The following ITGBL1 variants were observed in gnomAD, a reference collection of about 807,000 sequenced individuals.
The protein encoded by ITGBL1 is integrin beta-like protein 1.
ITGBL1 carries 51 observed loss-of-function variants against 68.5 expected under a neutral mutation model. The ratio of observed to expected loss-of-function variants is 0.74; its 90% CI spans 0.59 to 0.94. ITGBL1 has a LOEUF of 0.94. Ranked by LOEUF, ITGBL1 falls within the 40% of genes least tolerant of loss-of-function variation. The probability of loss-of-function intolerance (pLI) is 0.00; values close to 1 mark genes in which losing one functional copy is unlikely to be tolerated. For synonymous variants in ITGBL1, 209 were observed against 227.3 expected (o/e 0.92, Z 0.72); for missense variants, 649 against 647.4 (o/e 1.00, Z -0.03).
At chr13:101,530,885 C>A (rs190952417) in intron 2 of ITGBL1, among the ~76,000 whole-genome samples, 1 of 152,252 alleles carries the variant, frequency 6.6e-6, no homozygotes, top group East Asian at 1.9e-4. Context: ...ACTTCAAATT[C>A]TTGAAGGGCA....
At chr13:101,459,221 G>C (rs1352305531) in intron 2 of ITGBL1, among the ~76,000 whole-genome samples, 1 of 152,204 alleles carries the variant, frequency 6.6e-6, no homozygotes, top group Non-Finnish European at 1.5e-5. Flanking sequence ...GTTTGGGGCA[G>C]GATGGGAATC....
At chr13:101,643,115 C>A (rs1193409368) in intron 7 of ITGBL1, among the ~76,000 whole-genome samples, 2 of 151,668 alleles carry the variant, frequency 1.3e-5, no homozygotes, top group African/African-American at 4.9e-5. Flanking sequence ...TCATTGGTAG[C>A]TTGATGGGGA....
chr13:101,582,560 T>A (rs900826433), intron 5 of ITGBL1, among the ~76,000 whole-genome samples: 21 of 152,182 alleles, frequency 1.4e-4, no homozygotes, highest in African/African-American at 5.1e-4. Context: ...CTCAATCTGA[T>A]CTCCAACATT....
intron 7 of ITGBL1, among the ~76,000 whole-genome samples, chr13:101,615,913 C>A (rs961097012): frequency 6.6e-6 from 1 of 152,172 alleles, no homozygotes; most frequent in African/African-American, 2.4e-5. Context: ...AGCAGGCTCT[C>A]GCTAGACACT....
chr13:101,470,282 TGAAA>T (rs757301131), intron 2 of ITGBL1, among the ~76,000 whole-genome samples: 7 of 152,322 alleles, frequency 4.6e-5, no homozygotes, highest in Admixed American at 3.3e-4. Context: ...GTCCAGTGCT[TGAAA>T]GATAGTATAA....
At chr13:101,554,219 T>C (rs1275691513) in intron 2 of ITGBL1, among the ~76,000 whole-genome samples, 1 of 152,192 alleles carries the variant, frequency 6.6e-6, no homozygotes, top group African/African-American at 2.4e-5. Flanking sequence ...AAGTTTTCAA[T>C]ATATGAATTG....
At chr13:101,568,429 C>G (rs1241347031) in intron 3 of ITGBL1, among the ~76,000 whole-genome samples, 1 of 152,080 alleles carries the variant, frequency 6.6e-6, no homozygotes, top group East Asian at 1.9e-4. Context: ...GTTTAGGTTT[C>G]AATGGTATTT....
intron 2 of ITGBL1, among the ~76,000 whole-genome samples, chr13:101,488,550 C>G (rs1342991347): frequency 6.6e-6 from 1 of 152,164 alleles, no homozygotes; most frequent in Non-Finnish European, 1.5e-5. Context: ...CTTGAGAGAG[C>G]TGTTAACCAC....
chr13:101,606,174 T>TTATATATATATATATATATATA (rs4000927), intron 7 of ITGBL1, among the ~76,000 whole-genome samples: 5 of 138,044 alleles, frequency 3.6e-5, no homozygotes, highest in African/African-American at 1.3e-4. Context: ...ATTAGGATTT[T>TTATATATATATATATATATATA]TATATATATA....
In ITGBL1 at chr13:101,591,008, A is replaced by G. The variant is rs149958968; in HGVS notation, c.869-7145A>G. Among the ~76,000 whole-genome samples, 744 of 152,152 alleles carry G rather than the reference A, an allele frequency of 4.9e-3. 4 individuals are homozygous for G. The highest frequency in any genetic ancestry group is 5.8e-3 in the Non-Finnish European group (397 of 67,988). On this transcript the variant is annotated intron_variant, in intron 6 of 10. Transcript: ENST00000376180. The stretch of plus-strand genomic sequence containing the variant: ...AACCTCCGCCTCCTGGGTTCAAGCA[A>G]TTCTCCTGCCTAGCCTCCCAAGTAG...
chr13:101,455,477 G>A (rs987728916), intron 2 of ITGBL1, among the ~76,000 whole-genome samples: 7 of 151,726 alleles, frequency 4.6e-5, no homozygotes, highest in African/African-American at 9.7e-5. Flanking sequence ...GACCAGCCTC[G>A]CCAACTTGCT....
chr13:101,623,854 C>A (rs1371796718), intron 7 of ITGBL1, among the ~76,000 whole-genome samples: 1 of 152,112 alleles, frequency 6.6e-6, no homozygotes, highest in African/African-American at 2.4e-5. Flanking sequence ...TTTGGGTATA[C>A]CTTCTGGCCT....
intron 7 of ITGBL1, among the ~76,000 whole-genome samples, chr13:101,639,656 G>C (rs1566769996): frequency 6.6e-6 from 1 of 152,096 alleles, no homozygotes; most frequent in South Asian, 2.1e-4. Context: ...ATTTTAGCAT[G>C]GCTTTATTAT....
chr13:101,454,631 A>G (rs1282021002), intron 2 of ITGBL1, among the ~76,000 whole-genome samples: 1 of 152,206 alleles, frequency 6.6e-6, no homozygotes, highest in Non-Finnish European at 1.5e-5. Context: ...TAATATTTGT[A>G]GATCTTAGGC....
At chr13:101,632,674 A>G (rs909401007) in intron 7 of ITGBL1, among the ~76,000 whole-genome samples, 1 of 152,236 alleles carries the variant, frequency 6.6e-6, no homozygotes, top group Non-Finnish European at 1.5e-5. Flanking sequence ...TTATTTATAT[A>G]GCTTGTATTT....
chr13:101,452,755 C>A lies in ITGBL1; in HGVS notation c.-79C>A, dbSNP rs1239431880. 2 of 1,144,680 alleles carry A rather than the reference C, an allele frequency of 1.7e-6. No homozygotes were observed. The highest frequency in any genetic ancestry group is 2.6e-6 in the Non-Finnish European group (2 of 756,580). 70.9% of individuals were successfully genotyped at this position (1,144,680 alleles called of 1,614,324 possible). Reference sequence around the variant, plus strand: ...TCTGCCCAGCCATCTGCTGGTGGCACCTCTCCCTCCTGCCGCCTCCCTCGG... The same window carrying A: ...TCTGCCCAGCCATCTGCTGGTGGCAACTCTCCCTCCTGCCGCCTCCCTCGG... On this transcript the variant is annotated 5_prime_UTR_variant, in exon 1 of 11. Transcript: ENST00000376180.
chr13:101,636,295 G>A (rs2032167334), intron 7 of ITGBL1, among the ~76,000 whole-genome samples: 1 of 152,200 alleles, frequency 6.6e-6, no homozygotes, highest in Admixed American at 6.5e-5. Flanking sequence ...CCAGTGTCAA[G>A]GATCCAAGAG....
At chr13:101,585,827 T>G (rs796843406) in intron 6 of ITGBL1, among the ~76,000 whole-genome samples, 1 of 152,192 alleles carries the variant, frequency 6.6e-6, no homozygotes, top group African/African-American at 2.4e-5. Context: ...ATTTTAAAAT[T>G]GTAAGTGTGT....
At chr13:101,492,841 G>A (rs539713975) in intron 2 of ITGBL1, among the ~76,000 whole-genome samples, 10 of 152,096 alleles carry the variant, frequency 6.6e-5, no homozygotes, top group African/African-American at 2.2e-4. Context: ...TCCCAAAGCC[G>A]AATATTAACT....
Sources: allele counts gnomAD v4.1 joint callset (sites outside exome capture counted in the v4.1 genomes callset), GRCh38; gene constraint gnomAD v4.1.1; transcripts MANE v1.5; gene names NCBI Gene and HGNC (gene_info 2026-07-23, HGNC 2026-07-21).